Variants in PPP2R3A observed in about 807,000 individuals in gnomAD.
PPP2R3A encodes protein phosphatase 2 regulatory subunit B''alpha.
Under a neutral mutation model 106.9 loss-of-function variants are expected in PPP2R3A, and 80 were observed. The ratio of observed to expected loss-of-function variants is 0.75; its 90% CI spans 0.62 to 0.90. PPP2R3A has a LOEUF of 0.90. Among genes scored for constraint, PPP2R3A ranks in the 40% least tolerant of loss-of-function variants. The probability of loss-of-function intolerance (pLI) is 0.00; values close to 1 mark genes in which losing one functional copy is unlikely to be tolerated. For synonymous variants in PPP2R3A, 483 were observed against 468.3 expected, an observed-to-expected ratio of 1.03 and a Z score of -0.41; for missense variants, 1,386 against 1,350.4, an observed-to-expected ratio of 1.03 and a Z score of -0.41.
At chr3:135,969,925 A>T in intron 1 of PPP2R3A, among the ~76,000 whole-genome samples, 1 of 152,170 alleles carries the variant, frequency 6.6e-6, no homozygotes, top group East Asian at 1.9e-4. Context: ...CCACTCCCTA[A>T]AATTATGCCT....
intron 5 of PPP2R3A, among the ~76,000 whole-genome samples, chr3:136,068,877 C>A (rs1288103829): frequency 6.6e-6 from 1 of 152,142 alleles, no homozygotes; most frequent in Non-Finnish European, 1.5e-5. Flanking sequence ...TACGTATGCC[C>A]AGTGATGCAC....
At chr3:136,036,106 A>C (rs1051464054) in intron 3 of PPP2R3A, among the ~76,000 whole-genome samples, 4 of 151,950 alleles carry the variant, frequency 2.6e-5, no homozygotes, top group Non-Finnish European at 5.9e-5. Context: ...ATTTCCTTGA[A>C]TATTTTTCCC....
Position 136,146,016 on chromosome 3 carries a change from A to G in PPP2R3A, c.*850A>G, listed in dbSNP as rs541020282. The G allele has an allele frequency of 5.9e-5, 9 of 152,298 alleles. No homozygotes were observed. Among genetic ancestry groups the G allele is most frequent in the African/African-American group, 1.7e-4 (7 of 41,566 alleles). 9.4% of individuals were successfully genotyped at this position (152,298 alleles called of 1,614,324 possible). A position where few individuals can be genotyped will look rare whatever the true frequency, so the allele number is the denominator to read the frequency against. ...GGCCTGCTTGAAGACATAAAGGAAT[A>G]ATGATACATTAAAATTCTTACTAGA... On this transcript the variant is annotated 3_prime_UTR_variant, in exon 14 of 14. Transcript: ENST00000264977.
chr3:135,972,373 T>G (rs1937275985), intron 1 of PPP2R3A, among the ~76,000 whole-genome samples: 1 of 152,216 alleles, frequency 6.6e-6, no homozygotes, highest in Non-Finnish European at 1.5e-5. Context: ...TCAGTTGACA[T>G]TTAGATTGTT....
At chr3:136,057,719 G>A (rs1353186908) in intron 5 of PPP2R3A, among the ~76,000 whole-genome samples, 1 of 152,042 alleles carries the variant, frequency 6.6e-6, no homozygotes, top group Admixed American at 6.6e-5. Flanking sequence ...ATCACTATCA[G>A]AGAAAAGCAA....
At chr3:136,126,691 T>C (rs1379154096) in intron 13 of PPP2R3A, among the ~76,000 whole-genome samples, 1 of 152,178 alleles carries the variant, frequency 6.6e-6, no homozygotes, top group Non-Finnish European at 1.5e-5. Flanking sequence ...CCTCCTCAAG[T>C]GAGTCCCTGA....
intron 5 of PPP2R3A, among the ~76,000 whole-genome samples, chr3:136,053,798 G>A (rs1467110832): frequency 6.6e-6 from 1 of 152,062 alleles, no homozygotes; most frequent in African/African-American, 2.4e-5. Flanking sequence ...ACAGAACCCC[G>A]AGGCAGATTT....
At chr3:136,112,095 C>T (rs113251779) in intron 13 of PPP2R3A, among the ~76,000 whole-genome samples, 1 of 152,096 alleles carries the variant, frequency 6.6e-6, no homozygotes, top group Admixed American at 6.6e-5. Flanking sequence ...ATTCAGCACC[C>T]CTTCATGTTA....
chr3:136,118,860 GA>G (rs1201645489), intron 13 of PPP2R3A, among the ~76,000 whole-genome samples: 1 of 152,052 alleles, frequency 6.6e-6, no homozygotes, highest in African/African-American at 2.4e-5. Flanking sequence ...CACAAAATTG[GA>G]AAAAACTACT....
chr3:135,999,827 G>T (rs1308347784), intron 1 of PPP2R3A, among the ~76,000 whole-genome samples: 1 of 152,006 alleles, frequency 6.6e-6, no homozygotes, highest in Non-Finnish European at 1.5e-5. Flanking sequence ...AGGCTGGAGT[G>T]CAGTGGCGTG....
At chr3:135,988,079 A>C (rs1932997463) in intron 1 of PPP2R3A, among the ~76,000 whole-genome samples, 1 of 152,038 alleles carries the variant, frequency 6.6e-6, no homozygotes, top group Admixed American at 6.6e-5. Context: ...CTCTGGACAC[A>C]TGTACCTGAA....
chr3:136,119,141 A>G (rs1051407829), intron 13 of PPP2R3A, among the ~76,000 whole-genome samples: 2 of 152,236 alleles, frequency 1.3e-5, no homozygotes, highest in African/African-American at 4.8e-5. Context: ...TATTTAATAA[A>G]TGGTGTTGGG....
intron 10 of PPP2R3A, among the ~76,000 whole-genome samples, chr3:136,094,539 A>T (rs1177548302): frequency 6.6e-6 from 1 of 152,250 alleles, no homozygotes; most frequent in Non-Finnish European, 1.5e-5. Flanking sequence ...TATGGATTAA[A>T]AAGGATGACT....
At chr3:136,111,722 T>A (rs981785026) in intron 13 of PPP2R3A, among the ~76,000 whole-genome samples, 13 of 151,716 alleles carry the variant, frequency 8.6e-5, no homozygotes, top group Non-Finnish European at 1.8e-4. Context: ...CTTCCAGATG[T>A]ATAAAGAAGA....
rs143018023 is a variant in PPP2R3A, at chr3:136,002,711, A to C, written c.1213A>C (p.Asn405His). The C allele has an allele frequency of 1.3e-4, 205 of 1,613,258 alleles. No individual in the cohort carries two copies. In the African/African-American group the frequency reaches 2.3e-3, roughly 18 times the overall value. ...GTCATTAACCATGAATCCTTTAGAAAATGTTTCTTCTGACGACTTAATGGA... is the reference window on the plus strand; with the variant it reads ...GTCATTAACCATGAATCCTTTAGAACATGTTTCTTCTGACGACTTAATGGA... ...SQSLTMNPLE[N>H]VSSDDLMETL... Residue 405 changes from asparagine (N) to histidine (H), a missense_variant, in exon 2 of 14, where the codon AAT becomes CAT. Asn to His is a moderately conservative substitution (Grantham distance 68). Transcript: ENST00000264977.
intron 13 of PPP2R3A, among the ~76,000 whole-genome samples, chr3:136,126,947 A>C (rs993800284): frequency 2.6e-5 from 4 of 152,354 alleles, no homozygotes; most frequent in African/African-American, 7.2e-5. Flanking sequence ...GAAAACTAAC[A>C]AACAGAAAGG....
At chr3:136,063,518 A>G (rs1017361224) in intron 5 of PPP2R3A, among the ~76,000 whole-genome samples, 12 of 152,202 alleles carry the variant, frequency 7.9e-5, no homozygotes, top group African/African-American at 2.9e-4. Flanking sequence ...TTTGCAACCT[A>G]CTCATCTGAC....
chr3:136,030,508 G>A (rs1172702777), intron 3 of PPP2R3A, among the ~76,000 whole-genome samples: 1 of 151,896 alleles, frequency 6.6e-6, no homozygotes. Context: ...CACCCAGGCA[G>A]TATACACTGC....
At chr3:136,041,614 C>G (rs1935290685) in intron 4 of PPP2R3A, among the ~76,000 whole-genome samples, 1 of 152,170 alleles carries the variant, frequency 6.6e-6, no homozygotes, top group African/African-American at 2.4e-5. Context: ...CAAAAAGGAA[C>G]TCCCCTTTAT....
Sources: gnomAD v4.1 joint callset for allele counts (sites outside exome capture counted in the v4.1 genomes callset) on GRCh38, gnomAD v4.1.1 for gene constraint, MANE v1.5 for transcripts, NCBI Gene and HGNC (gene_info 2026-07-23, HGNC 2026-07-21) for gene names.